Variants in CRISPLD1 observed in about 807,000 individuals in gnomAD.
The protein encoded by CRISPLD1 is cysteine-rich secretory protein LCCL domain-containing 1.
CRISPLD1 carries 60 observed loss-of-function variants against 77.5 expected under a neutral mutation model. The ratio of observed to expected loss-of-function variants is 0.77; its 90% confidence interval spans 0.63 to 0.96. CRISPLD1 has a LOEUF of 0.96. Ranked by LOEUF, CRISPLD1 falls within the 40% of genes least tolerant of loss-of-function variation. The pLI is 0.00. For synonymous variants in CRISPLD1, 195 were observed against 200.1 expected, an observed-to-expected ratio of 0.97 and a Z score of 0.22; for missense variants, 623 against 615.8, an observed-to-expected ratio of 1.01 and a Z score of -0.12.
intron 13 of CRISPLD1, among the ~76,000 whole-genome samples, chr8:75,027,541 A>G (rs1178331232): frequency 6.6e-6 from 1 of 152,200 alleles, no homozygotes; most frequent in Non-Finnish European, 1.5e-5. Flanking sequence ...TCTTGAGATC[A>G]TTTTATCTTT....
chr8:75,000,567 G>A (rs1812722793), intron 2 of CRISPLD1, among the ~76,000 whole-genome samples: 1 of 151,898 alleles, frequency 6.6e-6, no homozygotes, highest in Non-Finnish European at 1.5e-5. Context: ...TGTTTTCTTT[G>A]TAATGAATTT....
In CRISPLD1 at chr8:75,017,370, T is replaced by C; in HGVS notation, c.1047T>C (p.Asp349=). The C allele has an allele frequency of 1.9e-6, 3 of 1,611,682 alleles. No homozygotes were observed. The highest frequency in any genetic ancestry group is 2.5e-6 in the Non-Finnish European group (3 of 1,178,938). Residue 349 remains aspartate (D), a synonymous_variant, in exon 10 of 15, where the codon GAT becomes GAC. Transcript: ENST00000262207. The part of the protein sequence containing the change: ...AAIHYGIIDN[D]GGWVDITRQG... ...TTCATTATGGTATAATAGACAATGATGGTGGCTGGGTAGATATCACTAGAC... is the reference window on the plus strand; with the variant it reads ...TTCATTATGGTATAATAGACAATGACGGTGGCTGGGTAGATATCACTAGAC...
chr8:74,990,836 TCA>T (rs947690065), intron 2 of CRISPLD1, among the ~76,000 whole-genome samples: 3 of 151,476 alleles, frequency 2.0e-5, no homozygotes, highest in African/African-American at 2.4e-5. Context: ...TTTCCATATA[TCA>T]CACACACACA....
chr8:74,994,043 CAT>C (rs1371120430), intron 2 of CRISPLD1, among the ~76,000 whole-genome samples: 5 of 152,296 alleles, frequency 3.3e-5, no homozygotes, highest in African/African-American at 9.6e-5. Flanking sequence ...GGCATTTCGA[CAT>C]ATGAATAGCA....
chr8:75,018,732 A>G (rs1813081065), intron 10 of CRISPLD1, among the ~76,000 whole-genome samples: 1 of 152,060 alleles, frequency 6.6e-6, no homozygotes, highest in African/African-American at 2.4e-5. Flanking sequence ...CTGGGACTAC[A>G]GGCACGTGCC....
chr8:75,025,745 C>T (rs889141263), intron 13 of CRISPLD1, 124 bp downstream of exon 13: 1 of 394,246 alleles, frequency 2.5e-6, no homozygotes, highest in Non-Finnish European at 4.6e-6. Flanking sequence ...AATGTGTGTT[C>T]TCAGAAGAGT....
At chr8:75,031,616 G>A (rs888506220) in intron 14 of CRISPLD1, among the ~76,000 whole-genome samples, 2 of 151,196 alleles carry the variant, frequency 1.3e-5, no homozygotes, top group Admixed American at 6.6e-5. Flanking sequence ...TTTCAGTGAA[G>A]ATATTCTTAG....
intron 12 of CRISPLD1, among the ~76,000 whole-genome samples, chr8:75,022,589 GA>G (rs71565425): frequency 0.15 from 12,302 of 82,286 alleles, 665 homozygotes; most frequent in Non-Finnish European, 0.2. Context: ...CTCTGTCTCA[GA>G]AAAAAAAAAA....
At chr8:75,012,584 A>G in intron 3 of CRISPLD1, 33 bp downstream of exon 3, 1 of 1,405,968 alleles carries the variant, frequency 7.1e-7, no homozygotes, top group Non-Finnish European at 1.0e-6. Context: ...CTTTATGAAA[A>G]AATAAGTGTT....
chr8:74,998,459 C>T (rs1044670699), intron 2 of CRISPLD1, among the ~76,000 whole-genome samples: 1 of 151,950 alleles, frequency 6.6e-6, no homozygotes, highest in African/African-American at 2.4e-5. Context: ...GTTGCTGAGG[C>T]AGGTGGATCA....
intron 2 of CRISPLD1, among the ~76,000 whole-genome samples, chr8:74,987,167 A>G (rs1812509585): frequency 6.6e-6 from 1 of 152,180 alleles, no homozygotes. Flanking sequence ...GATAATTTTC[A>G]TGAAGCATGG....
intron 2 of CRISPLD1, among the ~76,000 whole-genome samples, chr8:74,989,105 CAATT>C (rs936012718): frequency 9.9e-5 from 15 of 151,970 alleles, no homozygotes; most frequent in Non-Finnish European, 1.9e-4. Flanking sequence ...GGGTATACAT[CAATT>C]AGAGGAAGAG....
At chr8:75,022,445 C>T (rs151164085) in intron 12 of CRISPLD1, among the ~76,000 whole-genome samples, 3 of 151,870 alleles carry the variant, frequency 2.0e-5, no homozygotes, top group East Asian at 1.9e-4. Flanking sequence ...AAAAATTAGC[C>T]GGGCGTGGGG....
intron 2 of CRISPLD1, among the ~76,000 whole-genome samples, chr8:74,989,617 G>T (rs1407984172): frequency 1.3e-5 from 2 of 149,752 alleles, no homozygotes; most frequent in Non-Finnish European, 1.5e-5. Flanking sequence ...TTTTCTCATT[G>T]AGTTGAGTTC....
At position 75,014,078 on chromosome 8, in the gene CRISPLD1, A is replaced by G. The variant is rs761920843; in HGVS notation, c.602A>G (p.Tyr201Cys). ...IWGQIWPKAV[Y>C]LVCNYSPKGN... is the part of the protein sequence containing the mutation. ...GGGCAGATATGGCCCAAAGCTGTCT[A>G]CCTGGTGTGCAATTACTCCCCAAAG... Residue 201 changes from tyrosine to cysteine, a missense_variant, in exon 5 of 15, where the codon TAC (tyrosine) becomes TGC (cysteine). Coordinates refer to ENST00000262207, the MANE Select transcript of CRISPLD1 (RefSeq NM_031461.6). 32 of 1,612,094 alleles carry G rather than the reference A, an allele frequency of 2.0e-5. No homozygotes were observed. Among genetic ancestry groups the G allele is most frequent in the Non-Finnish European group, 2.5e-5 (30 of 1,178,546 alleles).
intron 13 of CRISPLD1, among the ~76,000 whole-genome samples, chr8:75,028,344 A>G (rs925815048): frequency 2.6e-5 from 4 of 152,202 alleles, no homozygotes; most frequent in Non-Finnish European, 4.4e-5. Context: ...AAGGTCATGT[A>G]AGATATACAT....
chr8:75,014,826 G>C lies in CRISPLD1; in HGVS notation c.641G>C (p.Gly214Ala). 1 of 1,596,804 alleles carries C rather than the reference G, an allele frequency of 6.3e-7. No individual in the cohort carries two copies. Among genetic ancestry groups the C allele is most frequent in the East Asian group, 2.3e-5 (1 of 43,562 alleles). Reference sequence around the variant, plus strand: ...ATCTCTTAAAGGGGAAACTGGTGGGGCCATGCCCCTTACAAACATGGGCGG... The same window carrying C: ...ATCTCTTAAAGGGGAAACTGGTGGGCCCATGCCCCTTACAAACATGGGCGG... ...CNYSPKGNWW[G>A]HAPYKHGRPC... Residue 214 changes from glycine (G) to alanine (A), a missense_variant, in exon 6 of 15, where the codon GGC (glycine) becomes GCC (alanine). Physicochemically the swap from Gly to Ala is moderately conservative, Grantham distance 60 (BLOSUM62 0). Transcript: ENST00000262207.
At chr8:75,021,441 T>C (rs938473183) in intron 12 of CRISPLD1, among the ~76,000 whole-genome samples, 5 of 152,234 alleles carry the variant, frequency 3.3e-5, no homozygotes, top group Non-Finnish European at 5.9e-5. Flanking sequence ...TGCATGCTAA[T>C]TGAGAATTTT....
chr8:74,991,619 C>T (rs1031321963), intron 2 of CRISPLD1, among the ~76,000 whole-genome samples: 3 of 152,206 alleles, frequency 2.0e-5, no homozygotes, highest in Non-Finnish European at 2.9e-5. Flanking sequence ...CAATGTCCGC[C>T]TCCCAGGCTC....
Sources: allele counts gnomAD v4.1 joint callset (sites outside exome capture counted in the v4.1 genomes callset), GRCh38; gene constraint gnomAD v4.1.1; transcripts MANE v1.5; gene names NCBI Gene and HGNC (gene_info 2026-07-23, HGNC 2026-07-21).